BCL11B: variants seen among roughly 807,000 people sequenced by gnomAD.
The protein encoded by BCL11B is BCL11 transcription factor B.
Under a neutral mutation model 49.9 loss-of-function variants are expected in BCL11B, and 8 were observed. The ratio of observed to expected loss-of-function variants is 0.16; its 90% CI spans 0.09 to 0.29. The LOEUF (loss-of-function observed/expected upper bound fraction) is 0.29, where lower values mean the gene tolerates loss of function less well. Among genes scored for constraint, BCL11B ranks in the 10% least tolerant of loss-of-function variants. The pLI, the probability that BCL11B is intolerant of heterozygous loss-of-function variation, is 1.00. For missense variants in BCL11B, 1,006 were observed against 1,351.0 expected (o/e 0.74, Z 4.00); for synonymous variants, 739 against 637.4 (o/e 1.16, Z -2.40).
At chr14:99,244,145 C>T (rs1420253160) in intron 2 of BCL11B, among the ~76,000 whole-genome samples, 1 of 152,050 alleles carries the variant, frequency 6.6e-6, no homozygotes, top group Admixed American at 6.5e-5. Flanking sequence ...CCCAAACATA[C>T]AGGGAGAAAT....
At chr14:99,210,524 C>T (rs1887656896) in intron 3 of BCL11B, among the ~76,000 whole-genome samples, 1 of 152,080 alleles carries the variant, frequency 6.6e-6, no homozygotes, top group Non-Finnish European at 1.5e-5. Flanking sequence ...CTCAGCCGGC[C>T]ACCTCCCTGC....
chr14:99,222,854 TTTCTTTCC>T (rs1201290660), intron 3 of BCL11B, among the ~76,000 whole-genome samples: 3 of 152,200 alleles, frequency 2.0e-5, no homozygotes, highest in East Asian at 1.9e-4. Context: ...TCTTTCTTTC[TTTCTTTCC>T]TTCTTTCCTT....
intron 3 of BCL11B, among the ~76,000 whole-genome samples, chr14:99,176,622 T>C (rs1215867394): frequency 1.3e-5 from 2 of 152,180 alleles, no homozygotes; most frequent in Non-Finnish European, 1.5e-5. Context: ...CGAAACCATC[T>C]AGGCCAGGGC....
At chr14:99,217,414 ACACG>A (rs1474410711) in intron 3 of BCL11B, among the ~76,000 whole-genome samples, 1 of 148,550 alleles carries the variant, frequency 6.7e-6, no homozygotes, top group Non-Finnish European at 1.5e-5. Flanking sequence ...ACACACACAC[ACACG>A]GCCTTTTATT....
intron 3 of BCL11B, among the ~76,000 whole-genome samples, chr14:99,216,616 G>A (rs543499978): frequency 3.9e-5 from 6 of 152,194 alleles, no homozygotes; most frequent in African/African-American, 1.2e-4. Flanking sequence ...AGAGAGACTC[G>A]CCCTCAAAGG....
At chr14:99,191,496 A>G (rs1887029103) in intron 3 of BCL11B, among the ~76,000 whole-genome samples, 1 of 152,052 alleles carries the variant, frequency 6.6e-6, no homozygotes, top group African/African-American at 2.4e-5. Context: ...AGACAGAGAG[A>G]AGAGGAGGGG....
intron 3 of BCL11B, among the ~76,000 whole-genome samples, chr14:99,217,796 C>T (rs1392636578): frequency 1.3e-5 from 2 of 152,110 alleles, no homozygotes; most frequent in African/African-American, 2.4e-5. Context: ...CCTCTGACCC[C>T]GCCGCCTGCC....
intron 3 of BCL11B, among the ~76,000 whole-genome samples, chr14:99,199,759 G>A (rs1887321026): frequency 6.6e-6 from 1 of 150,710 alleles, no homozygotes; most frequent in African/African-American, 2.4e-5. Flanking sequence ...AAAAATCCCT[G>A]TCTTCTAAAG....
chr14:99,269,945 G>A (rs963345749), intron 1 of BCL11B, among the ~76,000 whole-genome samples: 8 of 149,578 alleles, frequency 5.3e-5, no homozygotes, highest in African/African-American at 1.7e-4. Context: ...GAGAAAGAAC[G>A]GCGGGGAAAT....
intron 2 of BCL11B, among the ~76,000 whole-genome samples, chr14:99,239,029 C>A (rs1464739283): frequency 1.3e-5 from 2 of 152,232 alleles, no homozygotes; most frequent in Admixed American, 1.3e-4. Context: ...ACTCATCTAT[C>A]AGCAACGTGG....
At position 99,185,584 on chromosome 14, in the gene BCL11B, G is replaced by A. The variant is rs140523419; in HGVS notation, c.641-9389C>T. ...CTCAAGGTGCAGGGCGCTGGGCCAC[G>A]CGACGCAGAAAGCAGCTCTGTTTGC... On this transcript the variant is annotated intron_variant, in intron 3 of 3. Transcript: ENST00000357195. 9.1e-4 allele frequency among the ~76,000 whole-genome samples: 138 copies of A among 152,248 alleles called. 1 individual carries two copies. Among genetic ancestry groups the A allele is most frequent in the African/African-American group, 3.1e-3 (129 of 41,504 alleles).
At chr14:99,265,016 G>A (rs998914983) in intron 1 of BCL11B, among the ~76,000 whole-genome samples, 1 of 152,134 alleles carries the variant, frequency 6.6e-6, no homozygotes, top group Non-Finnish European at 1.5e-5. Flanking sequence ...AGGGAGTAGG[G>A]ACAGGACAGA....
At chr14:99,235,806 A>G (rs1888480527) in intron 2 of BCL11B, among the ~76,000 whole-genome samples, 1 of 152,134 alleles carries the variant, frequency 6.6e-6, no homozygotes, top group Non-Finnish European at 1.5e-5. Flanking sequence ...TTTTCCAACC[A>G]GAGAAATTTA....
At chr14:99,230,467 G>A (rs993499123) in intron 3 of BCL11B, among the ~76,000 whole-genome samples, 2 of 152,174 alleles carry the variant, frequency 1.3e-5, no homozygotes, top group African/African-American at 2.4e-5. Context: ...CCTGGTTTGC[G>A]TGGCCACAGT....
Position 99,192,565 on chromosome 14 carries a change from C to T in BCL11B, c.641-16370G>A, listed in dbSNP as rs1595232275. ...GCCCAGCCCCGCTGCCTCCTCTACC[C>T]TCCTGCTGTCCTGCCAGGTACCAGG... On this transcript the variant is annotated intron_variant, in intron 3 of 3. Coordinates refer to ENST00000357195, the MANE Select transcript of BCL11B (RefSeq NM_138576.4). This position sits in a 1 kb window ranked among gnomAD's most constrained non-coding sequence, Gnocchi z 4.0. Among the ~76,000 whole-genome samples, 3 of 152,222 alleles carry T rather than the reference C, an allele frequency of 2.0e-5. 1 individual carries two copies. In the South Asian group the frequency reaches 6.2e-4, roughly 32 times the overall value.
At chr14:99,221,905 A>G (rs1037617945) in intron 3 of BCL11B, among the ~76,000 whole-genome samples, 1 of 152,288 alleles carries the variant, frequency 6.6e-6, no homozygotes, top group African/African-American at 2.4e-5. Flanking sequence ...ATGTATGACC[A>G]GCGTATGAAG....
chr14:99,264,381 T>C (rs924399623), intron 1 of BCL11B: 1 of 152,092 alleles, frequency 6.6e-6, no homozygotes, highest in African/African-American at 2.4e-5. Context: ...TCTTGAGTCA[T>C]TTCTGCGTGT....
Position 99,199,714 on chromosome 14 carries a change from G to A in BCL11B, c.641-23519C>T, listed in dbSNP as rs529914551. Reference sequence around the variant, plus strand: ...CGCGCGCGCACGTGCACGTGTGTGCGTGTGTGCATGCATATGTGTGTGTGT... The same window carrying A: ...CGCGCGCGCACGTGCACGTGTGTGCATGTGTGCATGCATATGTGTGTGTGT... On this transcript the variant is annotated intron_variant, in intron 3 of 3. Coordinates refer to ENST00000357195, the MANE Select transcript of BCL11B (RefSeq NM_138576.4). 5.8e-4 allele frequency among the ~76,000 whole-genome samples: 75 copies of A among 129,966 alleles called. 2 individuals are homozygous for A. In the South Asian group the frequency reaches 0.016, roughly 27 times the overall value. 85.3% of individuals were successfully genotyped at this position (129,966 alleles called of 152,430 possible).
chr14:99,258,373 CT>C (rs751358591), intron 1 of BCL11B, among the ~76,000 whole-genome samples: 5 of 152,182 alleles, frequency 3.3e-5, no homozygotes, highest in Non-Finnish European at 5.9e-5. Flanking sequence ...AGCTGGAGCC[CT>C]TTCCCCCTGC....
Sources: gnomAD v4.1 joint callset for allele counts (sites outside exome capture counted in the v4.1 genomes callset) on GRCh38, gnomAD v4.1.1 for gene constraint, Gnocchi (gnomAD v3.1) non-coding constraint, MANE v1.5 for transcripts, NCBI Gene and HGNC (gene_info 2026-07-23, HGNC 2026-07-21) for gene names.